SCN8A: variants seen among roughly 807,000 people sequenced by gnomAD.
SCN8A encodes the protein sodium voltage-gated channel alpha subunit 8.
A neutral mutation model predicts 184.1 loss-of-function variants in SCN8A; 30 were observed. The observed-to-expected ratio is 0.16, with a 90% confidence interval of 0.12 to 0.22. The LOEUF is 0.22. Ranked by LOEUF, SCN8A falls within the 10% of genes least tolerant of loss-of-function variation. SCN8A has a pLI of 1.00. For synonymous variants in SCN8A, 852 were observed against 907.0 expected (o/e 0.94, Z 1.09); for missense variants, 1,057 against 2,498.9 (o/e 0.42, Z 12.30).
At chr12:51,619,015 C>G (rs1217799678) in intron 1 of SCN8A, among the ~76,000 whole-genome samples, 1 of 152,170 alleles carries the variant, frequency 6.6e-6, no homozygotes, top group Non-Finnish European at 1.5e-5. Flanking sequence ...CCTAGCCACA[C>G]AGTTCCTTTC....
chr12:51,761,218 C>T (rs1039169791), intron 14 of SCN8A, among the ~76,000 whole-genome samples: 4 of 152,022 alleles, frequency 2.6e-5, no homozygotes, highest in African/African-American at 9.7e-5. Context: ...CCTCCTAATG[C>T]CTGCAGGATA....
intron 10 of SCN8A, 83 bp from the exon 11 acceptor site, chr12:51,706,339 A>G (rs1941782515): frequency 2.3e-6 from 3 of 1,307,896 alleles, no homozygotes; most frequent in East Asian, 5.2e-5. Flanking sequence ...TCAGTAGGGA[A>G]ATGTTCTGTA....
intron 6 of SCN8A, among the ~76,000 whole-genome samples, chr12:51,696,244 G>A (rs1941590693): frequency 1.3e-5 from 2 of 152,162 alleles, no homozygotes; most frequent in Non-Finnish European, 2.9e-5. Flanking sequence ...CCAGGAAAAA[G>A]AAACTGTACA....
chr12:51,767,230 T>C (rs1268773310), intron 16 of SCN8A, among the ~76,000 whole-genome samples: 2 of 152,198 alleles, frequency 1.3e-5, no homozygotes, highest in African/African-American at 2.4e-5. Flanking sequence ...TTTCAAGCCC[T>C]GACTTTGCCA....
At position 51,706,657 on chromosome 12, in the gene SCN8A, G is replaced by C. The variant is rs773875275; in HGVS notation, c.1577G>C (p.Arg526Thr). The change falls in exon 11 of 27, where the codon AGG (arginine) becomes ACG (threonine). Residue 526 changes from arginine (R) to threonine (T), a missense_variant. Around this residue, in one of 19 missense-constraint regions of SCN8A, gnomAD observed 322 missense variants for 390.1 expected, o/e 0.83. Coordinates refer to ENST00000627620, the MANE Select transcript of SCN8A (RefSeq NM_001330260.2). The stretch of plus-strand genomic sequence containing the variant: ...TCAGAGTCAGAAGATGGCATGAGAA[G>C]GAAGGCCTTTCGGCTGCCAGACAAC... ...FKSESEDGMRRKAFRLPDNRI... is the reference protein window; with the variant it reads ...FKSESEDGMRTKAFRLPDNRI... 1 of 1,602,564 alleles carries C rather than the reference G, an allele frequency of 6.2e-7. No homozygotes were observed. The highest frequency in any genetic ancestry group is 1.7e-5 in the Admixed American group (1 of 58,276).
chr12:51,642,755 G>A (rs986490192), intron 1 of SCN8A, among the ~76,000 whole-genome samples: 4 of 151,180 alleles, frequency 2.6e-5, no homozygotes, highest in African/African-American at 9.7e-5. Context: ...TCTGCTTGCA[G>A]TCACCTTATT....
chr12:51,667,588 G>A (rs1315887964), intron 2 of SCN8A, among the ~76,000 whole-genome samples: 1 of 151,930 alleles, frequency 6.6e-6, no homozygotes, highest in Admixed American at 6.6e-5. Context: ...TTTCTCTGTT[G>A]CACAAAGTGC....
intron 14 of SCN8A, among the ~76,000 whole-genome samples, chr12:51,761,971 A>T (rs1255040736): frequency 6.6e-6 from 1 of 152,126 alleles, no homozygotes; most frequent in African/African-American, 2.4e-5. Context: ...TGAAAATGAT[A>T]GTTGTATGCA....
intron 1 of SCN8A, among the ~76,000 whole-genome samples, chr12:51,620,544 A>G (rs369122177): frequency 1.3e-5 from 2 of 152,162 alleles, no homozygotes; most frequent in South Asian, 2.1e-4. Context: ...AAGAAATGCA[A>G]TGCAGTAGAA....
chr12:51,687,322 T>A lies in SCN8A; in HGVS notation c.614+103T>A, dbSNP rs1276343567. 6.7e-6 allele frequency: 9 copies of A among 1,342,094 alleles called. No homozygotes were observed. The African/African-American group carries it at 1.2e-4, about 17-fold the overall frequency. 83.1% of individuals were successfully genotyped at this position (1,342,094 alleles called of 1,614,324 possible). ...GTGTGCATTTGTGGACACAGCTGTA[T>A]GAGGAATTAATGGATAACCATGTAA... On this transcript the variant is annotated intron_variant, in intron 5 of 26. Coordinates refer to ENST00000627620, the MANE Select transcript of SCN8A (RefSeq NM_001330260.2).
intron 1 of SCN8A, among the ~76,000 whole-genome samples, chr12:51,609,002 T>A (rs1050427219): frequency 3.3e-5 from 5 of 152,378 alleles, no homozygotes; most frequent in Admixed American, 3.3e-4. Flanking sequence ...CAATGCTGAT[T>A]CAGAAGCAGG....
Position 51,706,600 on chromosome 12 carries a change from A to G in SCN8A, c.1520A>G (p.Glu507Gly), listed in dbSNP as rs371383623. 4.4e-6 allele frequency: 7 copies of G among 1,609,118 alleles called. No individual in the cohort carries two copies. Among genetic ancestry groups the G allele is most frequent in the Non-Finnish European group, 5.9e-6 (7 of 1,177,550 alleles). Reference protein sequence around the residue: ...KRKQKELSEGEEKGDPEKVFK... With the variant: ...KRKQKELSEGGEKGDPEKVFK... ...AAGCAAAAGGAACTCTCTGAAGGAGAGGAGAAAGGGGATCCCGAGAAGGTG... is the reference window on the plus strand; with the variant it reads ...AAGCAAAAGGAACTCTCTGAAGGAGGGGAGAAAGGGGATCCCGAGAAGGTG... Residue 507 changes from glutamate to glycine, a missense_variant, in exon 11 of 27, where the codon GAG becomes GGG. Physicochemically the swap from Glu to Gly is moderately conservative, Grantham distance 98. This residue lies in a region of SCN8A where 322 missense variants were observed against 390.1 expected (regional missense o/e 0.83). Coordinates refer to ENST00000627620, the MANE Select transcript of SCN8A (RefSeq NM_001330260.2).
At position 51,663,080 on chromosome 12, in the gene SCN8A, A is replaced by G. The variant is rs1395637241; in HGVS notation, c.263A>G (p.Tyr88Cys). The G allele has an allele frequency of 6.2e-7, 1 of 1,613,404 alleles. No individual in the cohort carries two copies. The highest frequency in any genetic ancestry group is 1.3e-5 in the African/African-American group (1 of 74,926). Residue 88 changes from tyrosine to cysteine, a missense_variant, in exon 2 of 27, where the codon TAT becomes TGT. Tyr to Cys is a radical substitution (Grantham distance 194, BLOSUM62 -2). Around this residue, in one of 19 missense-constraint regions of SCN8A, gnomAD observed 66 missense variants for 276.4 expected, o/e 0.24. Coordinates refer to ENST00000627620, the MANE Select transcript of SCN8A (RefSeq NM_001330260.2). ...AVPLEDFDPY[Y>C]LTQKTFVVLN... ...CCCCTGGAGGACTTTGACCCATACT[A>G]TTTGACGCAGAAAGTGAGTTGGAGG...
intron 5 of SCN8A, 98 bp from the exon 6 acceptor site, chr12:51,688,907 G>A (rs1451002831): frequency 2.6e-6 from 4 of 1,563,602 alleles, no homozygotes; most frequent in Admixed American, 1.7e-5. Context: ...GTGACGTATT[G>A]TACTTTTTGT....
chr12:51,769,386 G>A, intron 17 of SCN8A, 51 bp downstream of exon 17: 1 of 1,338,502 alleles, frequency 7.5e-7, no homozygotes, highest in Non-Finnish European at 1.0e-6. Context: ...AGCAAACAGG[G>A]TGCTGTCAGC....
At chr12:51,769,822 A>C (rs1441976021) in intron 17 of SCN8A, 46 bp from the exon 18 acceptor site, 2 of 1,241,344 alleles carry the variant, frequency 1.6e-6, no homozygotes, top group Non-Finnish European at 2.3e-6. Flanking sequence ...TGGAGTGGGC[A>C]TGTTGCCTCA....
intron 1 of SCN8A, among the ~76,000 whole-genome samples, chr12:51,597,445 T>G (rs1357153689): frequency 6.6e-6 from 1 of 152,178 alleles, no homozygotes; most frequent in Non-Finnish European, 1.5e-5. Context: ...GGATGCTTAC[T>G]TATCCAGGGA....
chr12:51,736,567 T>C (rs1942329210), intron 12 of SCN8A, among the ~76,000 whole-genome samples: 1 of 152,222 alleles, frequency 6.6e-6, no homozygotes, highest in African/African-American at 2.4e-5. Context: ...GGTTGAATTG[T>C]CAAAGTGTCC....
intron 12 of SCN8A, among the ~76,000 whole-genome samples, chr12:51,736,867 G>A (rs1321294959): frequency 6.6e-6 from 1 of 152,184 alleles, no homozygotes; most frequent in Non-Finnish European, 1.5e-5. Flanking sequence ...TACAAGCTCC[G>A]CTTTTAGAGC....
Sources: gnomAD v4.1 joint callset for allele counts (sites outside exome capture counted in the v4.1 genomes callset) on GRCh38, gnomAD v4.1.1 for gene constraint, gnomAD v4.1.1 regional missense constraint, MANE v1.5 for transcripts, NCBI Gene and HGNC (gene_info 2026-07-23, HGNC 2026-07-21) for gene names.